The following C1D variants were observed in gnomAD, a reference collection of about 807,000 sequenced individuals.
The protein encoded by C1D is C1D nuclear receptor corepressor.
A neutral mutation model predicts 17.5 loss-of-function variants in C1D; 10 were observed. The observed-to-expected ratio is 0.57, with a 90% CI of 0.35 to 0.97. The LOEUF (loss-of-function observed/expected upper bound fraction) is 0.97, where lower values mean the gene tolerates loss of function less well. C1D is among the 50% of genes least tolerant of loss of function. C1D has a pLI of 0.01. For missense variants in C1D, 136 were observed against 160.1 expected (o/e 0.85, Z 0.81); for synonymous variants, 49 against 54.0 (o/e 0.91, Z 0.40).
chr2:68,054,979 T>TA (rs375742608), intron 1 of C1D, among the ~76,000 whole-genome samples: 14,251 of 137,378 alleles, frequency 0.1, 757 homozygotes, highest in South Asian at 0.21. Context: ...CTTTTTTTTT[T>TA]AAAAAAAAAA....
chr2:68,050,300 C>CA (rs201574561), intron 1 of C1D, among the ~76,000 whole-genome samples: 152 of 142,162 alleles, frequency 1.1e-3, no homozygotes, highest in African/African-American at 2.7e-3. Context: ...AAGAAAGAAA[C>CA]AAAAAAAAAA....
chr2:68,058,493 T>C (rs1671504216), intron 1 of C1D, among the ~76,000 whole-genome samples: 1 of 152,172 alleles, frequency 6.6e-6, no homozygotes, highest in African/African-American at 2.4e-5. Context: ...GAGAGAGTTC[T>C]CACAACTCTA....
intron 1 of C1D, among the ~76,000 whole-genome samples, chr2:68,061,214 T>G (rs1348833554): frequency 1.3e-5 from 2 of 152,222 alleles, no homozygotes; most frequent in Non-Finnish European, 2.9e-5. Context: ...TGCATTATCT[T>G]AGGAGAAAAT....
At chr2:68,057,455 C>T (rs1671472058) in intron 1 of C1D, among the ~76,000 whole-genome samples, 2 of 152,154 alleles carry the variant, frequency 1.3e-5, no homozygotes, top group African/African-American at 2.4e-5. Context: ...CCACGCCCAG[C>T]TCATCCCATT....
intron 1 of C1D, chr2:68,053,135 T>C: frequency 1.3e-6 from 2 of 1,550,790 alleles, no homozygotes; most frequent in East Asian, 2.4e-5. Context: ...TCTAAAACAC[T>C]GGCTGCAGAG....
chr2:68,046,796 A>G (rs936010331), intron 2 of C1D, among the ~76,000 whole-genome samples: 5 of 152,186 alleles, frequency 3.3e-5, no homozygotes, highest in African/African-American at 4.8e-5. Context: ...AGGCAATACG[A>G]AAGACAGAAG....
At chr2:68,054,453 G>A (rs183255738) in intron 1 of C1D, among the ~76,000 whole-genome samples, 63 of 152,310 alleles carry the variant, frequency 4.1e-4, no homozygotes, top group African/African-American at 1.4e-3. Flanking sequence ...CTGTCTACAA[G>A]TGGAATTTCT....
intron 1 of C1D, among the ~76,000 whole-genome samples, chr2:68,058,471 G>A (rs1671503231): frequency 6.6e-6 from 1 of 152,210 alleles, no homozygotes; most frequent in Non-Finnish European, 1.5e-5. Flanking sequence ...GACAAAAACT[G>A]TAGTGCGGGC....
In C1D at chr2:68,044,773, C is replaced by A. The variant is rs192352796; in HGVS notation, c.261+1215G>T. On this transcript the variant is annotated intron_variant, in intron 4 of 4. Transcript: ENST00000410067. The stretch of plus-strand genomic sequence containing the variant: ...TATGCATGCTTTTTATTCACCAACC[C>A]TTATCTAGAATATTAATGTACTACT... Among the ~76,000 whole-genome samples, 4 of 152,112 alleles carry A rather than the reference C, an allele frequency of 2.6e-5. No homozygotes were observed. In the East Asian group the frequency reaches 7.7e-4, roughly 29 times the overall value.
intron 1 of C1D, among the ~76,000 whole-genome samples, chr2:68,058,035 A>G (rs1480612855): frequency 6.6e-6 from 1 of 152,212 alleles, no homozygotes; most frequent in Non-Finnish European, 1.5e-5. Context: ...GAAATTCACA[A>G]AAGACATAAA....
At chr2:68,054,339 T>C (rs777025802) in intron 1 of C1D, among the ~76,000 whole-genome samples, 4 of 152,064 alleles carry the variant, frequency 2.6e-5, no homozygotes, top group Non-Finnish European at 5.9e-5. Flanking sequence ...GCAGAACCAG[T>C]AGGAGATATA....
At position 68,061,845 on chromosome 2, in the gene C1D, G is replaced by A. The variant is rs532503019; in HGVS notation, c.-10+1113C>T. On this transcript the variant is annotated intron_variant, in intron 1 of 4. Transcript: ENST00000410067. ...AAAAAAATTACATTACTTTTGAACT[G>A]TGATACATACAACACAGCTAACTGA... Among the ~76,000 whole-genome samples, 14 of 152,306 alleles carry A rather than the reference G, an allele frequency of 9.2e-5. No homozygotes were observed. In the South Asian group the frequency reaches 2.1e-3, roughly 23 times the overall value.
At chr2:68,055,980 A>G (rs576937723) in intron 1 of C1D, among the ~76,000 whole-genome samples, 9 of 152,354 alleles carry the variant, frequency 5.9e-5, no homozygotes, top group Non-Finnish European at 1.2e-4. Flanking sequence ...AATTCCAAAT[A>G]TAACTGGAGT....
chr2:68,054,324 G>C (rs1484964564), intron 1 of C1D, among the ~76,000 whole-genome samples: 1 of 152,184 alleles, frequency 6.6e-6, no homozygotes, highest in African/African-American at 2.4e-5. Context: ...GTTTCAACTA[G>C]AGAAGCAGAA....
chr2:68,046,447 T>A (rs1295310791), intron 2 of C1D, 37 bp from the exon 3 acceptor site: 2 of 1,423,714 alleles, frequency 1.4e-6, no homozygotes, highest in Non-Finnish European at 2.0e-6. Flanking sequence ...AGAGAGAAAG[T>A]GAGACAGAAA....
intron 4 of C1D, among the ~76,000 whole-genome samples, chr2:68,043,745 T>C (rs1375600402): frequency 6.6e-6 from 1 of 152,166 alleles, no homozygotes; most frequent in East Asian, 1.9e-4. Context: ...ATGACAGCCA[T>C]AAAACAGCAG....
chr2:68,054,705 T>G (rs369076361), intron 1 of C1D, among the ~76,000 whole-genome samples: 2 of 151,986 alleles, frequency 1.3e-5, no homozygotes, highest in Admixed American at 1.3e-4. Context: ...CTCACATCTG[T>G]AATTCCAACA....
intron 1 of C1D, among the ~76,000 whole-genome samples, chr2:68,051,672 A>C (rs954282809): frequency 6.6e-6 from 1 of 151,814 alleles, no homozygotes; most frequent in Non-Finnish European, 1.5e-5. Context: ...GCACATGCCT[A>C]CCTCCCTTTG....
chr2:68,043,045 G>A lies in C1D; in HGVS notation c.270C>T (p.Ile90=). 1 of 1,581,514 alleles carries A rather than the reference G, an allele frequency of 6.3e-7. No homozygotes were observed. The highest frequency in any genetic ancestry group is 1.2e-5 in the South Asian group (1 of 85,562). Residue 90 remains isoleucine (I), a synonymous_variant, in exon 5 of 5, where the codon ATC becomes ATT. Transcript: ENST00000410067. ...CCTTGACTCTGTTCATATATACTCT[G>A]ATTCTTTCCTTAAAGATAAAAAACA... is the stretch of plus-strand genomic sequence containing the variant. ...EHPVKQELER[I]RVYMNRVKEI...
Sources: allele counts gnomAD v4.1 joint callset (sites outside exome capture counted in the v4.1 genomes callset), GRCh38; gene constraint gnomAD v4.1.1; transcripts MANE v1.5; gene names NCBI Gene and HGNC (gene_info 2026-07-23, HGNC 2026-07-21).